Variants in FAM149B1 observed in about 807,000 individuals in gnomAD.
The protein encoded by FAM149B1 is primary cilium assembly protein FAM149B1.
Under a neutral mutation model 75.3 loss-of-function variants are expected in FAM149B1, and 56 were observed. That is an observed-to-expected ratio of 0.74 (90% CI 0.60 to 0.93). The LOEUF (loss-of-function observed/expected upper bound fraction) is 0.93, where lower values mean the gene tolerates loss of function less well. Ranked by LOEUF, FAM149B1 falls within the 40% of genes least tolerant of loss-of-function variation. FAM149B1 has a pLI of 0.00. For missense variants in FAM149B1, 639 were observed against 708.4 expected, an observed-to-expected ratio of 0.90 and a Z score of 1.11; for synonymous variants, 259 against 256.1, an observed-to-expected ratio of 1.01 and a Z score of -0.11.
At chr10:73,206,872 G>A (rs565738447) in intron 5 of FAM149B1, among the ~76,000 whole-genome samples, 8 of 152,214 alleles carry the variant, frequency 5.3e-5, no homozygotes, top group East Asian at 1.9e-4. Context: ...CTGAGATCAC[G>A]CCACTGCAGT....
At chr10:73,225,321 T>G (rs1201187746) in intron 7 of FAM149B1, among the ~76,000 whole-genome samples, 2 of 152,198 alleles carry the variant, frequency 1.3e-5, no homozygotes, top group African/African-American at 4.8e-5. Flanking sequence ...ACACAACCTT[T>G]GAAGACCTTC....
intron 3 of FAM149B1, among the ~76,000 whole-genome samples, chr10:73,189,085 G>A (rs1252774822): frequency 4.6e-5 from 7 of 151,934 alleles, no homozygotes; most frequent in Non-Finnish European, 4.4e-5. Flanking sequence ...CAAAAGACTT[G>A]AAAAGACATT....
intron 12 of FAM149B1, 128 bp from the exon 13 acceptor site, chr10:73,239,184 T>C (rs529460098): frequency 3.7e-5 from 26 of 710,024 alleles, no homozygotes; most frequent in Non-Finnish European, 4.9e-5. Flanking sequence ...CTCAGCTGAC[T>C]TTTCCCTCAA....
intron 12 of FAM149B1, among the ~76,000 whole-genome samples, chr10:73,237,793 A>C (rs999816203): frequency 6.6e-6 from 1 of 151,934 alleles, no homozygotes; most frequent in Non-Finnish European, 1.5e-5. Context: ...TGGTGCAATC[A>C]GCACACTGCA....
At chr10:73,240,009 CGA>C (rs2043905794) in intron 13 of FAM149B1, among the ~76,000 whole-genome samples, 5 of 152,158 alleles carry the variant, frequency 3.3e-5, no homozygotes, top group Non-Finnish European at 7.4e-5. Flanking sequence ...ACTGTAGCCT[CGA>C]ACTCCGGGGC....
At chr10:73,175,989 A>G (rs763715154) in intron 2 of FAM149B1, among the ~76,000 whole-genome samples, 1 of 152,134 alleles carries the variant, frequency 6.6e-6, no homozygotes, top group African/African-American at 2.4e-5. Context: ...ATTCAAGTGC[A>G]TTACATTTAT....
At position 73,177,880 on chromosome 10, in the gene FAM149B1, T is replaced by C; in HGVS notation, c.187T>C (p.Ser63Pro). Residue 63 changes from serine to proline, a missense_variant, in exon 3 of 14, where the codon TCA becomes CCA. Transcript: ENST00000242505. ...CATCACAAGAGAATCATCTTTTACA[T>C]CAGCCGACACTGGGAATTCACTGTC... is the stretch of plus-strand genomic sequence containing the variant. The part of the protein sequence containing the change: ...SDITRESSFT[S>P]ADTGNSLSAF... The C allele has an allele frequency of 6.4e-7, 1 of 1,551,798 alleles. No homozygotes were observed. The highest frequency in any genetic ancestry group is 1.7e-4 in the Middle Eastern group (1 of 5,992).
intron 3 of FAM149B1, among the ~76,000 whole-genome samples, chr10:73,188,808 A>C (rs930792220): frequency 6.7e-6 from 1 of 149,166 alleles, no homozygotes; most frequent in African/African-American, 2.5e-5. Flanking sequence ...GAAGGAAGGA[A>C]GGAAAGGACA....
At chr10:73,209,326 T>C (rs1362329466) in intron 6 of FAM149B1, among the ~76,000 whole-genome samples, 2 of 152,100 alleles carry the variant, frequency 1.3e-5, no homozygotes, top group Non-Finnish European at 2.9e-5. Flanking sequence ...TGCGTGCCTC[T>C]AATGTCAGCT....
At chr10:73,171,630 CTTT>C (rs11351703) in intron 1 of FAM149B1, among the ~76,000 whole-genome samples, 6 of 137,424 alleles carry the variant, frequency 4.4e-5, no homozygotes, top group East Asian at 2.1e-4. Context: ...CCTTTTCTTT[CTTT>C]TTTTTTTTTT....
intron 10 of FAM149B1, chr10:73,234,082 A>T (rs1162350855): frequency 1.3e-5 from 2 of 152,244 alleles, no homozygotes; most frequent in African/African-American, 4.8e-5. Flanking sequence ...GTTGATTCAC[A>T]AAATGTCTTA....
At chr10:73,213,244 G>A (rs1223390847) in intron 7 of FAM149B1, among the ~76,000 whole-genome samples, 1 of 152,160 alleles carries the variant, frequency 6.6e-6, no homozygotes, top group East Asian at 1.9e-4. Flanking sequence ...TTTGTCAGAT[G>A]CATAGTTTGC....
At chr10:73,222,661 C>T (rs78939815) in intron 7 of FAM149B1, among the ~76,000 whole-genome samples, 3,208 of 152,196 alleles carry the variant, frequency 0.021, 84 homozygotes, top group Admixed American at 0.025. Flanking sequence ...GAAACTTTTT[C>T]AAGGCAATTG....
chr10:73,181,132 A>AC (rs1179977813), intron 3 of FAM149B1, among the ~76,000 whole-genome samples: 1 of 150,744 alleles, frequency 6.6e-6, no homozygotes, highest in Non-Finnish European at 1.5e-5. Flanking sequence ...TCAGCCTCCC[A>AC]AGTAGGTGGG....
At chr10:73,209,407 C>T (rs969746068) in intron 6 of FAM149B1, among the ~76,000 whole-genome samples, 1 of 152,204 alleles carries the variant, frequency 6.6e-6, no homozygotes, top group Admixed American at 6.5e-5. Flanking sequence ...GAGATCACGC[C>T]ACTGCATACC....
At chr10:73,208,564 A>C in intron 5 of FAM149B1, 55 bp from the exon 6 acceptor site, 1 of 1,286,164 alleles carries the variant, frequency 7.8e-7, no homozygotes, top group Non-Finnish European at 1.1e-6. Flanking sequence ...CTGTGTTGCC[A>C]TAAGAACTGT....
At chr10:73,198,054 C>G (rs1025199960) in intron 5 of FAM149B1, among the ~76,000 whole-genome samples, 1 of 152,150 alleles carries the variant, frequency 6.6e-6, no homozygotes, top group Non-Finnish European at 1.5e-5. Context: ...AAAATAAACC[C>G]TTGCAATTAT....
intron 7 of FAM149B1, among the ~76,000 whole-genome samples, chr10:73,219,292 G>A (rs374770776): frequency 1.3e-5 from 2 of 152,090 alleles, no homozygotes; most frequent in African/African-American, 4.8e-5. Flanking sequence ...CCATGTTTAC[G>A]GAGTTGAAGG....
chr10:73,211,334 TC>T (rs2043182525), intron 7 of FAM149B1, among the ~76,000 whole-genome samples: 1 of 151,936 alleles, frequency 6.6e-6, no homozygotes, highest in Non-Finnish European at 1.5e-5. Flanking sequence ...AACCACTATC[TC>T]CCTACCCAAT....
Sources: gnomAD v4.1 joint callset for allele counts (sites outside exome capture counted in the v4.1 genomes callset) on GRCh38, gnomAD v4.1.1 for gene constraint, MANE v1.5 for transcripts, NCBI Gene and HGNC (gene_info 2026-07-23, HGNC 2026-07-21) for gene names.